Variants in KSR2 observed in about 807,000 individuals in gnomAD.
KSR2 encodes kinase suppressor of ras 2.
In KSR2, 25 loss-of-function variants were observed where a neutral mutation model predicts 107.8. The observed-to-expected ratio is 0.23, with a 90% CI of 0.17 to 0.32. KSR2 has a LOEUF of 0.32. KSR2 is among the 10% of genes least tolerant of loss of function. The pLI, the probability that KSR2 is intolerant of heterozygous loss-of-function variation, is 1.00. For synonymous variants in KSR2, 480 were observed against 507.0 expected (o/e 0.95, Z 0.71); for missense variants, 887 against 1,268.9 (o/e 0.70, Z 4.57).
At chr12:117,561,998 G>A (rs562894309) in intron 7 of KSR2, among the ~76,000 whole-genome samples, 1 of 152,262 alleles carries the variant, frequency 6.6e-6, no homozygotes, top group South Asian at 2.1e-4. Flanking sequence ...GATGATAAAT[G>A]TATAAGCAGA....
At chr12:117,887,143 C>T (rs549760143) in intron 1 of KSR2, among the ~76,000 whole-genome samples, 1 of 152,132 alleles carries the variant, frequency 6.6e-6, no homozygotes, top group Non-Finnish European at 1.5e-5. Flanking sequence ...AGGCTGGTCT[C>T]GAACTCCTGG....
intron 1 of KSR2, among the ~76,000 whole-genome samples, chr12:117,966,594 T>TTCTC (rs71450240): frequency 3.0e-5 from 4 of 133,952 alleles, no homozygotes; most frequent in African/African-American, 5.9e-5. Flanking sequence ...AAACAGCATG[T>TTCTC]TCTCTCTCTC....
At chr12:117,732,294 CT>C (rs112890015) in intron 4 of KSR2, among the ~76,000 whole-genome samples, 9,577 of 145,300 alleles carry the variant, frequency 0.066, 322 homozygotes, top group East Asian at 0.066. Flanking sequence ...GAATTTTTTT[CT>C]TTTTTTTTTT....
chr12:117,833,137 G>A (rs558698503), intron 3 of KSR2, among the ~76,000 whole-genome samples: 1 of 152,178 alleles, frequency 6.6e-6, no homozygotes, highest in Non-Finnish European at 1.5e-5. Flanking sequence ...TGCGGCCTTT[G>A]CTAGGCCCAG....
intron 6 of KSR2, among the ~76,000 whole-genome samples, chr12:117,580,527 C>T (rs1879582213): frequency 6.6e-6 from 1 of 152,166 alleles, no homozygotes. Context: ...TCTTCCCCAG[C>T]TCTGGCTGAA....
chr12:117,707,066 G>C (rs1438920999), intron 4 of KSR2, among the ~76,000 whole-genome samples: 3 of 152,210 alleles, frequency 2.0e-5, no homozygotes, highest in Admixed American at 6.5e-5. Context: ...TTCAGCCATA[G>C]AAAGGAATGC....
intron 3 of KSR2, among the ~76,000 whole-genome samples, chr12:117,770,062 A>G (rs1225341130): frequency 1.3e-5 from 2 of 152,078 alleles, no homozygotes; most frequent in Non-Finnish European, 2.9e-5. Flanking sequence ...CTCAAAAAAA[A>G]AAAAAGAATC....
chr12:117,872,910 T>C (rs11068706), intron 1 of KSR2, among the ~76,000 whole-genome samples: 22,379 of 152,060 alleles, frequency 0.15, 1,764 homozygotes, highest in African/African-American at 0.2. Flanking sequence ...TCAGCACCTG[T>C]CCAGGCCTGA....
chr12:117,828,185 CAGT>C (rs1334719640), intron 3 of KSR2, among the ~76,000 whole-genome samples: 2 of 152,178 alleles, frequency 1.3e-5, no homozygotes, highest in African/African-American at 2.4e-5. Context: ...AGGGCCTACC[CAGT>C]GTCCGGTATG....
At chr12:117,806,803 T>C (rs911706894) in intron 3 of KSR2, among the ~76,000 whole-genome samples, 27 of 152,340 alleles carry the variant, frequency 1.8e-4, no homozygotes, top group Admixed American at 1.7e-3. Flanking sequence ...TGTCTAATCT[T>C]TTTGAGGTTC....
chr12:117,616,888 T>G (rs998453376), intron 5 of KSR2, among the ~76,000 whole-genome samples: 1 of 152,208 alleles, frequency 6.6e-6, no homozygotes, highest in African/African-American at 2.4e-5. Context: ...CTTCCTTCTC[T>G]CCTTGCTTTC....
intron 10 of KSR2, among the ~76,000 whole-genome samples, chr12:117,534,727 G>A (rs1875906546): frequency 6.6e-6 from 1 of 152,006 alleles, no homozygotes; most frequent in African/African-American, 2.4e-5. Context: ...TAAGGATCTT[G>A]AGGTGGGGAG....
At chr12:117,880,090 G>C (rs1382295127) in intron 1 of KSR2, among the ~76,000 whole-genome samples, 1 of 152,120 alleles carries the variant, frequency 6.6e-6, no homozygotes, top group Non-Finnish European at 1.5e-5. Context: ...AGGTTGCGGT[G>C]AGCTGAGATT....
intron 5 of KSR2, among the ~76,000 whole-genome samples, chr12:117,590,017 A>G (rs1880228745): frequency 6.6e-6 from 1 of 152,150 alleles, no homozygotes; most frequent in Admixed American, 6.6e-5. Flanking sequence ...GGCAGAGGGG[A>G]CTGACAGTGA....
chr12:117,790,311 T>C (rs192824904), intron 3 of KSR2, among the ~76,000 whole-genome samples: 194 of 151,848 alleles, frequency 1.3e-3, no homozygotes, highest in African/African-American at 4.5e-3. Flanking sequence ...AAGAGGTACA[T>C]TGGCTCAGTC....
At chr12:117,759,466 A>T (rs1440158335) in intron 4 of KSR2, among the ~76,000 whole-genome samples, 1 of 152,216 alleles carries the variant, frequency 6.6e-6, no homozygotes, top group African/African-American at 2.4e-5. Flanking sequence ...CTGCCTTTTT[A>T]AAATGGTGAT....
intron 3 of KSR2, among the ~76,000 whole-genome samples, chr12:117,772,667 A>T (rs756145764): frequency 5.3e-5 from 8 of 150,232 alleles, no homozygotes; most frequent in Non-Finnish European, 1.0e-4. Context: ...TCTCCCAAAG[A>T]TGCACACACA....
chr12:117,600,186 CG>C (rs1406389506), intron 5 of KSR2, among the ~76,000 whole-genome samples: 1 of 152,206 alleles, frequency 6.6e-6, no homozygotes, highest in Non-Finnish European at 1.5e-5. Flanking sequence ...TGCTCAAAGA[CG>C]GTCTGATTGC....
At chr12:117,951,531 T>A (rs962398036) in intron 1 of KSR2, among the ~76,000 whole-genome samples, 1 of 152,052 alleles carries the variant, frequency 6.6e-6, no homozygotes, top group Non-Finnish European at 1.5e-5. Flanking sequence ...TATTTCTGAT[T>A]GGTGTGATAC....
Sources: allele counts gnomAD v4.1 joint callset (sites outside exome capture counted in the v4.1 genomes callset), GRCh38; gene constraint gnomAD v4.1.1; transcripts MANE v1.5; gene names NCBI Gene and HGNC (gene_info 2026-07-23, HGNC 2026-07-21).